KIF9: variants seen among roughly 807,000 people sequenced by gnomAD.
KIF9 encodes the protein kinesin-like protein KIF9.
A neutral mutation model predicts 94.8 loss-of-function variants in KIF9; 68 were observed. The ratio of observed to expected loss-of-function variants is 0.72; its 90% CI spans 0.59 to 0.88. The LOEUF (loss-of-function observed/expected upper bound fraction) is 0.88. Ranked by LOEUF, KIF9 falls within the 40% of genes least tolerant of loss-of-function variation. The pLI is 0.00. For synonymous variants in KIF9, 343 were observed against 362.1 expected, an observed-to-expected ratio of 0.95 and a Z score of 0.60; for missense variants, 882 against 982.5, an observed-to-expected ratio of 0.90 and a Z score of 1.37.
intron 12 of KIF9, 177 bp from the exon 13 acceptor site, chr3:47,246,429 A>C: frequency 2.4e-6 from 1 of 418,364 alleles, no homozygotes; most frequent in Non-Finnish European, 4.3e-6. Context: ...CCTCCAGAGC[A>C]GAGAAACACC....
chr3:47,271,503 C>A, intron 4 of KIF9, 42 bp from the exon 5 acceptor site: 1 of 1,445,334 alleles, frequency 6.9e-7, no homozygotes, highest in Non-Finnish European at 9.7e-7. Context: ...AGCAGAACCC[C>A]AACAGCCAAC....
intron 9 of KIF9, among the ~76,000 whole-genome samples, chr3:47,263,275 T>C (rs1701096097): frequency 6.6e-6 from 1 of 152,176 alleles, no homozygotes; most frequent in South Asian, 2.1e-4. Flanking sequence ...CTCAGCTGTG[T>C]GGACTCACCT....
Position 47,265,835 on chromosome 3 carries a change from AT to A in KIF9, c.810del (p.Lys270AsnfsTer32). ...QVLKEATYIN[K>X]SLSFLEQAII... ...ATGGCCTGCTCCAGGAATGAGAGCG[AT>A]TTGTTGATGTAGGTGGCTTCCTTCA... On this transcript the variant is annotated frameshift_variant, in exon 8 of 21. Transcript: ENST00000684063. LOFTEE classifies it high-confidence loss of function. 6.2e-7 allele frequency: 1 copy of A among 1,614,188 alleles called. No homozygotes were observed. The highest frequency in any genetic ancestry group is 8.5e-7 in the Non-Finnish European group (1 of 1,180,044).
intron 9 of KIF9, chr3:47,263,855 T>C: frequency 2.2e-6 from 1 of 457,084 alleles, no homozygotes; most frequent in Non-Finnish European, 4.4e-6. Context: ...GGCAGGTGCT[T>C]AATACCATCT....
chr3:47,247,910 G>T, intron 11 of KIF9, 108 bp downstream of exon 11: 1 of 660,034 alleles, frequency 1.5e-6, no homozygotes, highest in Non-Finnish European at 2.7e-6. Flanking sequence ...CCCCAACCCC[G>T]CCCACCATTG....
chr3:47,260,658 T>C (rs543470283), intron 9 of KIF9, among the ~76,000 whole-genome samples: 1 of 152,262 alleles, frequency 6.6e-6, no homozygotes, highest in African/African-American at 2.4e-5. Flanking sequence ...ACGAGGACAC[T>C]GAAAAACAGG....
At position 47,282,754 on chromosome 3, in the gene KIF9, A is replaced by C; in HGVS notation, c.-265T>G. On this transcript the variant is annotated 5_prime_UTR_variant, in exon 1 of 21. Transcript: ENST00000684063. ...TTCGGCGGATGCACATGCGAAGTCA[A>C]GGTCGAGATAGCGAGGGAACGAAGG... is the stretch of plus-strand genomic sequence containing the variant. 7.0e-7 allele frequency: 1 copy of C among 1,425,564 alleles called. No homozygotes were observed. Among genetic ancestry groups the C allele is most frequent in the Admixed American group, 2.9e-5 (1 of 34,554 alleles). The allele number at this position is 1,425,564 out of a possible 1,614,324, so 88.3% of individuals were successfully genotyped here.
chr3:47,265,904 T>C, intron 7 of KIF9, 27 bp from the exon 8 acceptor site: 1 of 1,613,808 alleles, frequency 6.2e-7, no homozygotes, highest in East Asian at 2.2e-5. Context: ...AGTTCCACTT[T>C]GGATGGAATA....
chr3:47,262,948 G>A (rs1248367067), intron 9 of KIF9, among the ~76,000 whole-genome samples: 1 of 152,066 alleles, frequency 6.6e-6, no homozygotes, highest in Non-Finnish European at 1.5e-5. Flanking sequence ...ACCCAGGCTG[G>A]AGTGCAGTGG....
intron 9 of KIF9, among the ~76,000 whole-genome samples, chr3:47,261,754 G>A (rs1353026833): frequency 1.3e-5 from 2 of 152,182 alleles, no homozygotes; most frequent in Admixed American, 6.5e-5. Context: ...TATGCGCTCT[G>A]TACAGAGCTG....
chr3:47,278,283 C>G lies in KIF9; in HGVS notation c.-5-904G>C, dbSNP rs1356783904. On this transcript the variant is annotated intron_variant, in intron 1 of 20. Coordinates refer to ENST00000684063, the MANE Select transcript of KIF9 (RefSeq NM_182902.4). ...CAGAGATGGCGTCTTACTATGTTGC[C>G]TAGGCTGGTCTTGAACTCCTAGCCT... 2.0e-5 allele frequency among the ~76,000 whole-genome samples: 3 copies of G among 152,068 alleles called. No homozygotes were observed. The East Asian group carries it at 5.8e-4, about 29-fold the overall frequency.
At chr3:47,273,019 G>A (rs753801543) in intron 4 of KIF9, among the ~76,000 whole-genome samples, 5 of 152,176 alleles carry the variant, frequency 3.3e-5, no homozygotes, top group Non-Finnish European at 7.3e-5. Flanking sequence ...CCAGGCTAGT[G>A]GGGCCCAAAG....
chr3:47,274,659 G>A (rs1297792826), intron 3 of KIF9, among the ~76,000 whole-genome samples: 1 of 152,206 alleles, frequency 6.6e-6, no homozygotes, highest in Non-Finnish European at 1.5e-5. Context: ...CAGCACCAGT[G>A]CTCAAGACTA....
chr3:47,258,060 G>C (rs1281567465), intron 9 of KIF9, among the ~76,000 whole-genome samples: 1 of 152,034 alleles, frequency 6.6e-6, no homozygotes, highest in Non-Finnish European at 1.5e-5. Flanking sequence ...TCAGGGTCTC[G>C]ATCAGCCATG....
chr3:47,252,851 A>G (rs1287018866), intron 10 of KIF9, among the ~76,000 whole-genome samples: 1 of 151,884 alleles, frequency 6.6e-6, no homozygotes, highest in Non-Finnish European at 1.5e-5. Flanking sequence ...CGTCTCTACT[A>G]AAAATACATA....
At chr3:47,232,771 A>G (rs1363756625) in intron 20 of KIF9, among the ~76,000 whole-genome samples, 2 of 150,820 alleles carry the variant, frequency 1.3e-5, no homozygotes, top group Non-Finnish European at 3.0e-5. Flanking sequence ...TCAAGAGGTC[A>G]GGAGATCGAG....
chr3:47,233,822 G>A (rs1203195242), intron 20 of KIF9, among the ~76,000 whole-genome samples: 2 of 151,960 alleles, frequency 1.3e-5, no homozygotes, highest in African/African-American at 4.8e-5. Flanking sequence ...AGGCACGGTG[G>A]CTCACGCCTG....
At position 47,239,743 on chromosome 3, in the gene KIF9, A is replaced by T. The variant is rs146414099; in HGVS notation, c.1924+1058T>A. 6,474 of 1,301,238 alleles carry T rather than the reference A, an allele frequency of 5.0e-3. 29 individuals are homozygous for T. The highest frequency in any genetic ancestry group is 0.014 in the Middle Eastern group (62 of 4,568). The allele number at this position is 1,301,238 out of a possible 1,614,324, so 80.6% of individuals were successfully genotyped here. On this transcript the variant is annotated intron_variant, in intron 17 of 20. Coordinates refer to ENST00000684063, the MANE Select transcript of KIF9 (RefSeq NM_182902.4). ...GCTAGGATTACAAGTGTGTGCCACCACGCCCTGCTCCTCTGAGAAATAAAT... is the reference window on the plus strand; with the variant it reads ...GCTAGGATTACAAGTGTGTGCCACCTCGCCCTGCTCCTCTGAGAAATAAAT...
chr3:47,266,736 G>A (rs1701310804), intron 7 of KIF9, among the ~76,000 whole-genome samples: 2 of 152,192 alleles, frequency 1.3e-5, no homozygotes, highest in South Asian at 2.1e-4. Context: ...TGCTAAGAAT[G>A]TAGAGGGCAC....
Sources: allele counts gnomAD v4.1 joint callset (sites outside exome capture counted in the v4.1 genomes callset), GRCh38; gene constraint gnomAD v4.1.1; transcripts MANE v1.5; gene names NCBI Gene and HGNC (gene_info 2026-07-23, HGNC 2026-07-21).